The following DSTN variants were observed in gnomAD, a reference collection of about 807,000 sequenced individuals.
DSTN encodes destrin, actin depolymerizing factor, also known as destrin.
DSTN carries 10 observed loss-of-function variants against 16.8 expected under a neutral mutation model. That is an observed-to-expected ratio of 0.60 (90% CI 0.37 to 1.01). The LOEUF is 1.01. Ranked by LOEUF, DSTN falls within the 50% of genes least tolerant of loss-of-function variation. The pLI is 0.01. For synonymous variants in DSTN, 57 were observed against 58.9 expected (o/e 0.97, Z 0.14); for missense variants, 141 against 196.7 (o/e 0.72, Z 1.69).
chr20:17,593,852 G>A (rs1003317976), intron 1 of DSTN, among the ~76,000 whole-genome samples: 1 of 152,138 alleles, frequency 6.6e-6, no homozygotes, highest in Non-Finnish European at 1.5e-5. Context: ...GCCAAGGCAG[G>A]ACAATAGCTT....
rs2035651715 is a variant in DSTN, at chr20:17,607,178, T to C, written c.*32T>C. 3 of 1,590,582 alleles carry C rather than the reference T, an allele frequency of 1.9e-6. No individual in the cohort carries two copies. In the Admixed American group the frequency reaches 5.1e-5, roughly 27 times the overall value. On this transcript the variant is annotated 3_prime_UTR_variant, in exon 4 of 4. Coordinates refer to ENST00000246069, the MANE Select transcript of DSTN (RefSeq NM_006870.4). ...CAGTGCCACAAATTGAAAGCTTCCA[T>C]GTTTAATGTTATCCTCTTGCTATAT...
chr20:17,573,571 A>G (rs1465221666), intron 1 of DSTN, among the ~76,000 whole-genome samples: 1 of 152,156 alleles, frequency 6.6e-6, no homozygotes, highest in Non-Finnish European at 1.5e-5. Context: ...TATATCTAGA[A>G]GCGGAAGCCC....
intron 3 of DSTN, 121 bp downstream of exon 3, chr20:17,604,752 C>T: frequency 1.1e-6 from 1 of 878,596 alleles, no homozygotes; most frequent in South Asian, 1.8e-5. Flanking sequence ...AGAAGTGTTA[C>T]TTGTTTTGAG....
At chr20:17,594,844 C>G (rs34050818) in intron 1 of DSTN, among the ~76,000 whole-genome samples, 73,598 of 152,004 alleles carry the variant, frequency 0.48, 22,151 homozygotes, top group Middle Eastern at 0.66. Flanking sequence ...ATCTCTTAGG[C>G]TTGGAGCCTT....
chr20:17,595,680 A>T (rs1019890240), intron 1 of DSTN, among the ~76,000 whole-genome samples: 1 of 151,878 alleles, frequency 6.6e-6, no homozygotes, highest in African/African-American at 2.4e-5. Context: ...CAATTCCTCT[A>T]TTGTTTACTC....
chr20:17,605,071 T>C (rs1423123687), intron 3 of DSTN: 7 of 456,568 alleles, frequency 1.5e-5, no homozygotes, highest in Admixed American at 4.7e-5. Context: ...TACTGTTGAA[T>C]GGCATGATTT....
chr20:17,599,682 G>A (rs1437866197), intron 1 of DSTN: 1 of 152,210 alleles, frequency 6.6e-6, no homozygotes, highest in African/African-American at 2.4e-5. Context: ...CAGATGTCTG[G>A]GTGCTGTAGT....
chr20:17,602,583 A>G (rs547558737), intron 2 of DSTN, among the ~76,000 whole-genome samples: 1 of 152,368 alleles, frequency 6.6e-6, no homozygotes, highest in Non-Finnish European at 1.5e-5. Flanking sequence ...ACTGTTACTT[A>G]AGAAAAGGTA....
intron 1 of DSTN, among the ~76,000 whole-genome samples, chr20:17,584,584 G>A (rs773671333): frequency 5.8e-4 from 88 of 151,644 alleles, no homozygotes; most frequent in Non-Finnish European, 8.0e-4. Flanking sequence ...CCCAGGAGGC[G>A]GAAGTTGCAG....
intron 1 of DSTN, among the ~76,000 whole-genome samples, chr20:17,595,341 A>G (rs985708176): frequency 1.3e-5 from 2 of 152,182 alleles, no homozygotes; most frequent in Non-Finnish European, 2.9e-5. Context: ...AGAATCTTTC[A>G]GACACAATTT....
At chr20:17,605,763 T>C (rs1345354897) in intron 3 of DSTN, among the ~76,000 whole-genome samples, 1 of 152,184 alleles carries the variant, frequency 6.6e-6, no homozygotes, top group African/African-American at 2.4e-5. Flanking sequence ...CTGCATTGCC[T>C]TTCAGTAAAG....
Position 17,607,992 on chromosome 20 carries a change from G to A in DSTN, c.*846G>A, listed in dbSNP as rs894122890. On this transcript the variant is annotated 3_prime_UTR_variant, in exon 4 of 4. Transcript: ENST00000246069. Reference sequence around the variant, plus strand: ...TGCTTCTTATGGTATAATAAAGTATGGAAGAATATTGAGTATATGTTTACT... The same window carrying A: ...TGCTTCTTATGGTATAATAAAGTATAGAAGAATATTGAGTATATGTTTACT... 2.0e-5 allele frequency: 3 copies of A among 152,194 alleles called. No individual in the cohort carries two copies. Among genetic ancestry groups the A allele is most frequent in the African/African-American group, 7.2e-5 (3 of 41,430 alleles). 9.4% of individuals were successfully genotyped at this position (152,194 alleles called of 1,614,324 possible).
intron 3 of DSTN, among the ~76,000 whole-genome samples, chr20:17,605,871 G>GT (rs1290256195): frequency 2.0e-5 from 3 of 151,686 alleles, no homozygotes; most frequent in African/African-American, 7.3e-5. Context: ...GGGAGGCTAA[G>GT]ACAGGTGGAT....
rs1421660379 is a variant in DSTN at position 17,603,087 on chromosome 20, G to C, written c.312-1468G>C. On this transcript the variant is annotated intron_variant, in intron 2 of 3. Transcript: ENST00000246069. ...ATCTGCCAGTCCTGAGGTTGTGATG[G>C]CTCTGCCTCCTTCCCTGGACCTTAG... 2.0e-5 allele frequency among the ~76,000 whole-genome samples: 3 copies of C among 152,302 alleles called. No homozygotes were observed. The South Asian group carries it at 6.2e-4, about 32-fold the overall frequency.
intron 1 of DSTN, among the ~76,000 whole-genome samples, chr20:17,585,484 T>A (rs1254736386): frequency 6.6e-6 from 1 of 152,216 alleles, no homozygotes. Flanking sequence ...TTTAGCTTAC[T>A]GTTTGGTTAA....
intron 2 of DSTN, among the ~76,000 whole-genome samples, chr20:17,603,774 T>G (rs1393859103): frequency 6.6e-6 from 1 of 152,212 alleles, no homozygotes; most frequent in Non-Finnish European, 1.5e-5. Context: ...TAATTATTGG[T>G]GAGTTGCCAT....
At position 17,608,744 on chromosome 20, in the gene DSTN, T is replaced by G. The variant is rs920856285; in HGVS notation, c.*1598T>G. 2 of 152,148 alleles carry G rather than the reference T, an allele frequency of 1.3e-5. No individual in the cohort carries two copies. Among genetic ancestry groups the G allele is most frequent in the African/African-American group, 4.8e-5 (2 of 41,428 alleles). 9.4% of individuals were successfully genotyped at this position (152,148 alleles called of 1,614,324 possible). ...ATTATACAAAATTATAAATTCACATTTAAAATTTAGAAAATAGAGAAAAGG... is the reference window on the plus strand; with the variant it reads ...ATTATACAAAATTATAAATTCACATGTAAAATTTAGAAAATAGAGAAAAGG... On this transcript the variant is annotated 3_prime_UTR_variant, in exon 4 of 4. Transcript: ENST00000246069.
At chr20:17,585,674 T>G (rs1229912513) in intron 1 of DSTN, among the ~76,000 whole-genome samples, 3 of 152,164 alleles carry the variant, frequency 2.0e-5, no homozygotes, top group African/African-American at 4.8e-5. Context: ...TATATATACA[T>G]ACACATATAT....
intron 1 of DSTN, among the ~76,000 whole-genome samples, chr20:17,598,116 C>T (rs1419149831): frequency 6.6e-6 from 1 of 152,094 alleles, no homozygotes; most frequent in African/African-American, 2.4e-5. Context: ...GGATTGTTTT[C>T]ACTTTTGGTC....
Sources: gnomAD v4.1 joint callset for allele counts (sites outside exome capture counted in the v4.1 genomes callset) on GRCh38, gnomAD v4.1.1 for gene constraint, MANE v1.5 for transcripts, NCBI Gene and HGNC (gene_info 2026-07-23, HGNC 2026-07-21) for gene names.